IFIH1: variants seen among roughly 807,000 people sequenced by gnomAD.
IFIH1 encodes the protein interferon-induced helicase C domain-containing protein 1.
In IFIH1, 125 loss-of-function variants were observed where a neutral mutation model predicts 107.4. The ratio of observed to expected loss-of-function variants is 1.16; its 90% CI spans 1.01 to 1.35. The LOEUF is 1.35. Ranked by LOEUF, IFIH1 falls within the 40% of genes most tolerant of loss-of-function variation. The probability of loss-of-function intolerance (pLI) is 0.00; values close to 1 mark genes in which losing one functional copy is unlikely to be tolerated. For synonymous variants in IFIH1, 458 were observed against 413.2 expected (o/e 1.11, Z -1.31); for missense variants, 1,333 against 1,213.7 (o/e 1.10, Z -1.46).
chr2:162,278,073 C>A, intron 9 of IFIH1, 132 bp downstream of exon 9: 2 of 726,642 alleles, frequency 2.8e-6, no homozygotes, highest in Non-Finnish European at 4.6e-6. Context: ...TTATGCTTGT[C>A]CTACAGAGAA....
rs193213243 is a variant in IFIH1, at chr2:162,278,133, C to T, written c.1765+72G>A. The T allele has an allele frequency of 1.6e-4, 206 of 1,325,744 alleles. No individual in the cohort carries two copies. The East Asian group carries it at 3.4e-3, about 22-fold the overall frequency. The allele number at this position is 1,325,744 out of a possible 1,614,324, so 82.1% of individuals were successfully genotyped here. On this transcript the variant is annotated intron_variant, in intron 9 of 15. Coordinates refer to ENST00000649979, the MANE Select transcript of IFIH1 (RefSeq NM_022168.4). ...TTTTGCTTTCCATTTTTTGGGGAAT[C>T]TGTGATATAGTCATCTAAAATCTTG...
chr2:162,302,631 T>G (rs905736830), intron 3 of IFIH1, among the ~76,000 whole-genome samples: 2 of 152,366 alleles, frequency 1.3e-5, no homozygotes, highest in African/African-American at 4.8e-5. Flanking sequence ...TAGTAAATTC[T>G]GCAACAAAAA....
intron 7 of IFIH1, among the ~76,000 whole-genome samples, chr2:162,281,127 A>C (rs963785612): frequency 6.6e-6 from 1 of 151,962 alleles, no homozygotes; most frequent in Non-Finnish European, 1.5e-5. Flanking sequence ...CATTTTTATG[A>C]TATGATTTTG....
chr2:162,310,554 A>G (rs1055469841), intron 2 of IFIH1: 1 of 562,254 alleles, frequency 1.8e-6, no homozygotes, highest in African/African-American at 1.9e-5. Context: ...TGTTGGTTGG[A>G]TGAAAAATGG....
chr2:162,282,639 T>C (rs571058992), intron 5 of IFIH1, 63 bp from the exon 6 acceptor site: 73 of 1,057,600 alleles, frequency 6.9e-5, no homozygotes, highest in Non-Finnish European at 5.7e-5. Context: ...AGAGTGTTGA[T>C]CAAAGGCCTG....
chr2:162,275,687 G>T (rs1267906668), intron 11 of IFIH1, among the ~76,000 whole-genome samples: 1 of 152,120 alleles, frequency 6.6e-6, no homozygotes, highest in Non-Finnish European at 1.5e-5. Context: ...TAGAAAGGAA[G>T]TATCCATTTG....
intron 10 of IFIH1, 44 bp downstream of exon 10, chr2:162,277,371 A>G: frequency 7.3e-7 from 1 of 1,377,406 alleles, no homozygotes; most frequent in South Asian, 1.3e-5. Flanking sequence ...TTCATGTTGA[A>G]AAGGTAAATG....
At chr2:162,311,046 T>C in intron 1 of IFIH1, 113 bp from the exon 2 acceptor site, 1 of 743,580 alleles carries the variant, frequency 1.3e-6, no homozygotes, top group Non-Finnish European at 2.1e-6. Context: ...AAATAAAGGC[T>C]TACATTGAAA....
chr2:162,303,160 G>A (rs886536466), intron 3 of IFIH1, among the ~76,000 whole-genome samples: 1 of 152,052 alleles, frequency 6.6e-6, no homozygotes, highest in Non-Finnish European at 1.5e-5. Context: ...TATTGCTCAG[G>A]CTGGAGTGCA....
At chr2:162,314,968 C>T (rs954679246) in intron 1 of IFIH1, among the ~76,000 whole-genome samples, 1 of 152,130 alleles carries the variant, frequency 6.6e-6, no homozygotes, top group Non-Finnish European at 1.5e-5. Context: ...TTTTTGGGTA[C>T]TTGCTGGACA....
chr2:162,310,985 C>T (rs1323641088), intron 1 of IFIH1, 52 bp from the exon 2 acceptor site: 2 of 1,416,598 alleles, frequency 1.4e-6, no homozygotes, highest in Non-Finnish European at 2.0e-6. Flanking sequence ...TTCTGAATAA[C>T]CTTAAACAGG....
chr2:162,282,341 T>A (rs76482804), intron 6 of IFIH1, 25 bp downstream of exon 6: 203 of 1,482,136 alleles, frequency 1.4e-4, no homozygotes, highest in Middle Eastern at 7.3e-4. Flanking sequence ...TTAATTTTTT[T>A]AAAAAAATAA....
intron 3 of IFIH1, among the ~76,000 whole-genome samples, chr2:162,300,206 T>C (rs2105220493): frequency 6.6e-6 from 1 of 152,316 alleles, no homozygotes; most frequent in East Asian, 1.9e-4. Context: ...TACTGTATTA[T>C]CTGACCAACT....
intron 3 of IFIH1, among the ~76,000 whole-genome samples, chr2:162,305,208 G>T (rs1003163235): frequency 1.3e-5 from 2 of 152,138 alleles, no homozygotes; most frequent in African/African-American, 4.8e-5. Context: ...TGGGAATATT[G>T]GTGACTTCTT....
chr2:162,278,604 C>T (rs1682749551), intron 8 of IFIH1, among the ~76,000 whole-genome samples: 1 of 152,020 alleles, frequency 6.6e-6, no homozygotes, highest in Non-Finnish European at 1.5e-5. Context: ...TTATATAAAC[C>T]TTGTATGTTA....
In IFIH1 at chr2:162,282,568, T is replaced by A; in HGVS notation, c.1104A>T (p.Leu368=). The change falls in exon 6 of 16, where the codon CTA becomes CTT. Residue 368 remains leucine (L), a synonymous_variant. Transcript: ENST00000649979. ...ACTCCTTGCGGAAGAGCTGTTCAAC[T>A]AGCAGTACCTTAAAAAAATGTGAAG... is the stretch of plus-strand genomic sequence containing the variant. ...KVIVLVNKVL[L]VEQLFRKEFQ... 6.3e-7 allele frequency: 1 copy of A among 1,599,140 alleles called. No homozygotes were observed.
At chr2:162,272,193 A>G (rs1183794589) in intron 13 of IFIH1, 33 bp downstream of exon 13, 8 of 1,582,036 alleles carry the variant, frequency 5.1e-6, no homozygotes, top group Non-Finnish European at 6.9e-6. Flanking sequence ...CCATTTTTAA[A>G]TGAAAATCAA....
rs1683536418 is a variant in IFIH1, at chr2:162,317,902, C to T, written c.406G>A (p.Asp136Asn). Residue 136 changes from aspartate to asparagine, a missense_variant, in exon 1 of 16, where the codon GAT becomes AAT. Asp to Asn is a conservative substitution (Grantham distance 23). Transcript: ENST00000649979. ...VDKLLVRDVLDKCMEEELLTI... is the reference protein window; with the variant it reads ...VDKLLVRDVLNKCMEEELLTI... ...AACAGTTCCTCCTCCATGCACTTAT[C>T]CAAGACGTCTCTAACTAGAAGCTTG... 2.5e-6 allele frequency: 4 copies of T among 1,611,356 alleles called. No homozygotes were observed. Among genetic ancestry groups the T allele is most frequent in the Non-Finnish European group, 3.4e-6 (4 of 1,178,506 alleles).
intron 2 of IFIH1, 73 bp from the exon 3 acceptor site, chr2:162,306,928 G>T: frequency 1.5e-6 from 2 of 1,364,826 alleles, no homozygotes; most frequent in Non-Finnish European, 2.1e-6. Context: ...AACTGTTATT[G>T]TTATTTTGAA....
Sources: allele counts gnomAD v4.1 joint callset (sites outside exome capture counted in the v4.1 genomes callset), GRCh38; gene constraint gnomAD v4.1.1; transcripts MANE v1.5; gene names NCBI Gene and HGNC (gene_info 2026-07-23, HGNC 2026-07-21).